The following PDE10A variants were observed in gnomAD, a reference collection of about 807,000 sequenced individuals.
PDE10A encodes cAMP and cAMP-inhibited cGMP 3',5'-cyclic phosphodiesterase 10A.
Under a neutral mutation model 97.7 loss-of-function variants are expected in PDE10A, and 39 were observed. That is an observed-to-expected ratio of 0.40 (90% confidence interval 0.31 to 0.52). The LOEUF (loss-of-function observed/expected upper bound fraction) is 0.52. PDE10A is among the 20% of genes least tolerant of loss of function. PDE10A has a pLI of 0.56. For synonymous variants in PDE10A, 371 were observed against 376.8 expected, an observed-to-expected ratio of 0.98 and a Z score of 0.18; for missense variants, 731 against 1,047.8, an observed-to-expected ratio of 0.70 and a Z score of 4.17.
intron 1 of PDE10A, among the ~76,000 whole-genome samples, chr6:165,551,861 A>G (rs1784032699): frequency 6.6e-6 from 1 of 152,220 alleles, no homozygotes; most frequent in African/African-American, 2.4e-5. Context: ...GAGACCCAAG[A>G]CTAATCGGAA....
intron 1 of PDE10A, among the ~76,000 whole-genome samples, chr6:165,839,549 G>C (rs1001453771): frequency 2.0e-4 from 30 of 152,238 alleles, no homozygotes; most frequent in African/African-American, 7.2e-4. Context: ...AATTCCGAAA[G>C]ATGAGAGTGC....
At chr6:165,977,981 G>A (rs1784899295) in intron 1 of PDE10A, among the ~76,000 whole-genome samples, 1 of 152,212 alleles carries the variant, frequency 6.6e-6, no homozygotes, top group South Asian at 2.1e-4. Context: ...AAAGAACCCA[G>A]GTAACGAAGA....
At chr6:165,678,624 C>A (rs1163776389) in intron 1 of PDE10A, among the ~76,000 whole-genome samples, 3 of 152,100 alleles carry the variant, frequency 2.0e-5, no homozygotes, top group African/African-American at 7.2e-5. Context: ...CCATGCCACC[C>A]GGTCCCCAGC....
At chr6:165,601,948 A>G (rs1208627269) in intron 1 of PDE10A, among the ~76,000 whole-genome samples, 1 of 152,206 alleles carries the variant, frequency 6.6e-6, no homozygotes, top group East Asian at 1.9e-4. Context: ...AGCCATGGGA[A>G]AAATCCTTTT....
chr6:165,619,634 GTAGTGTAGTATAGTC>G (rs1333562404), intron 1 of PDE10A, among the ~76,000 whole-genome samples: 5,208 of 124,466 alleles, frequency 0.042, 112 homozygotes, highest in Non-Finnish European at 0.048. Context: ...GTAGTATAGT[GTAGTGTAGTATAGTC>G]TAGTGTAGTA....
Position 165,839,117 on chromosome 6 carries a change from C to T in PDE10A, c.-615+148412G>A, listed in dbSNP as rs117458523. Among the ~76,000 whole-genome samples the T allele has an allele frequency of 4.3e-4, 65 of 152,308 alleles. 1 individual carries two copies. In the East Asian group the frequency reaches 6.8e-3, roughly 16 times the overall value. Reference sequence around the variant, plus strand: ...AAAGTCCAGAAACTCTTTTTCTGTACGCCAAACTCTATCACTAACTTACTA... The same window carrying T: ...AAAGTCCAGAAACTCTTTTTCTGTATGCCAAACTCTATCACTAACTTACTA... On this transcript the variant is annotated intron_variant, in intron 1 of 19. Coordinates refer to the PDE10A transcript ENST00000366882.
intron 1 of PDE10A, among the ~76,000 whole-genome samples, chr6:165,690,749 C>G (rs528250880): frequency 6.6e-6 from 1 of 152,256 alleles, no homozygotes; most frequent in African/African-American, 2.4e-5. Context: ...GTTCCACCCA[C>G]ACCCCATTTC....
At chr6:165,736,498 G>A (rs1404895813) in intron 1 of PDE10A, among the ~76,000 whole-genome samples, 3 of 152,116 alleles carry the variant, frequency 2.0e-5, no homozygotes, top group African/African-American at 7.2e-5. Context: ...CCAGCGCCAG[G>A]CTCATGCCAC....
At chr6:165,812,977 G>A (rs1463485450) in intron 1 of PDE10A, among the ~76,000 whole-genome samples, 1 of 152,152 alleles carries the variant, frequency 6.6e-6, no homozygotes, top group African/African-American at 2.4e-5. Flanking sequence ...TAAACCCAGT[G>A]GTTTCTGTGT....
At chr6:165,764,260 A>C (rs771076901) in intron 1 of PDE10A, among the ~76,000 whole-genome samples, 1 of 152,250 alleles carries the variant, frequency 6.6e-6, no homozygotes, top group Non-Finnish European at 1.5e-5. Flanking sequence ...CCATCTGGAC[A>C]GTAAGGATAA....
At chr6:165,646,804 T>C (rs1283655136) in intron 1 of PDE10A, among the ~76,000 whole-genome samples, 1 of 152,244 alleles carries the variant, frequency 6.6e-6, no homozygotes, top group Non-Finnish European at 1.5e-5. Flanking sequence ...TTATGAAATA[T>C]GACCTACTGA....
intron 1 of PDE10A, among the ~76,000 whole-genome samples, chr6:165,644,078 C>CA (rs765979731): frequency 1.7e-4 from 26 of 152,098 alleles, no homozygotes; most frequent in Non-Finnish European, 3.1e-4. Flanking sequence ...TTTTTTGAGA[C>CA]AGAGTCTCCC....
chr6:165,877,696 T>C (rs1368604707), intron 1 of PDE10A, among the ~76,000 whole-genome samples: 2 of 152,180 alleles, frequency 1.3e-5, no homozygotes, highest in Non-Finnish European at 2.9e-5. Flanking sequence ...TGTGATTTTT[T>C]AATAATGAAA....
chr6:165,677,806 C>T (rs1790841924), intron 1 of PDE10A, among the ~76,000 whole-genome samples: 1 of 151,558 alleles, frequency 6.6e-6, no homozygotes, highest in African/African-American at 2.4e-5. Context: ...TTTGTATATG[C>T]ATGTGTTTGT....
At chr6:165,978,124 G>T (rs1784903265) in intron 1 of PDE10A, among the ~76,000 whole-genome samples, 1 of 152,200 alleles carries the variant, frequency 6.6e-6, no homozygotes, top group Non-Finnish European at 1.5e-5. Flanking sequence ...CTTCTGGAAT[G>T]CTGGAAATGG....
chr6:165,569,880 T>C (rs1450245657), intron 1 of PDE10A, among the ~76,000 whole-genome samples: 2 of 152,218 alleles, frequency 1.3e-5, no homozygotes, highest in Non-Finnish European at 2.9e-5. Flanking sequence ...CAAAAGTGTT[T>C]GTTTTCTGGA....
intron 18 of PDE10A, among the ~76,000 whole-genome samples, chr6:165,356,275 T>G (rs908067268): frequency 6.6e-6 from 1 of 152,176 alleles, no homozygotes; most frequent in African/African-American, 2.4e-5. Context: ...CTTTGTAATT[T>G]TGGCCATTCT....
intron 2 of PDE10A, among the ~76,000 whole-genome samples, chr6:165,529,774 G>A (rs1310586733): frequency 6.6e-6 from 1 of 152,152 alleles, no homozygotes; most frequent in Non-Finnish European, 1.5e-5. Context: ...ACGAAGGATA[G>A]CTGTATTATG....
At chr6:165,374,231 A>C (rs1248975119) in intron 18 of PDE10A, among the ~76,000 whole-genome samples, 1 of 151,750 alleles carries the variant, frequency 6.6e-6, no homozygotes, top group Non-Finnish European at 1.5e-5. Context: ...GAAGTATGAT[A>C]ATAATAATAA....
Sources: gnomAD v4.1 joint callset for allele counts (sites outside exome capture counted in the v4.1 genomes callset) on GRCh38, gnomAD v4.1.1 for gene constraint, MANE v1.5 for transcripts, NCBI Gene and HGNC (gene_info 2026-07-23, HGNC 2026-07-21) for gene names.